The following ADORA2B variants were observed in gnomAD, a reference collection of about 807,000 sequenced individuals.
The protein encoded by ADORA2B is adenosine receptor A2b.
A neutral mutation model predicts 20.8 loss-of-function variants in ADORA2B; 18 were observed. That is an observed-to-expected ratio of 0.87 (90% CI 0.60 to 1.29). The LOEUF is 1.29. Among genes scored for constraint, ADORA2B ranks in the 50% most tolerant of loss-of-function variants. ADORA2B has a pLI of 0.00. For missense variants in ADORA2B, 441 were observed against 422.7 expected (o/e 1.04, Z -0.38); for synonymous variants, 179 against 178.3 (o/e 1.00, Z -0.03).
the ADORA2B span, among the ~76,000 whole-genome samples, chr17:15,938,229 GGAAA>G: frequency 1.3e-5 from 2 of 151,910 alleles, no homozygotes; most frequent in Admixed American, 6.6e-5. Context: ...AGGAAGGAAA[GGAAA>G]GGAAGGAAGG....
At chr17:15,863,509 C>CTTAT in the ADORA2B span, among the ~76,000 whole-genome samples, 2,224 of 151,854 alleles carry the variant, frequency 0.015, 54 homozygotes, top group African/African-American at 0.049. Context: ...CCATGCCCAG[C>CTTAT]TTATTTATTT....
chr17:15,948,245 G>A (rs7208072), intron 1 of ADORA2B, among the ~76,000 whole-genome samples: 931 of 63,452 alleles, frequency 0.015, 7 homozygotes, highest in Middle Eastern at 0.073. Flanking sequence ...TGTGACAGAT[G>A]ACAGTGTAGA....
chr17:15,937,281 C>T, the ADORA2B span, among the ~76,000 whole-genome samples: 1 of 152,206 alleles, frequency 6.6e-6, no homozygotes, highest in Non-Finnish European at 1.5e-5. Flanking sequence ...TTGTCACATG[C>T]AGCAGCTAAA....
At chr17:15,906,972 C>T in the ADORA2B span, among the ~76,000 whole-genome samples, 1 of 151,452 alleles carries the variant, frequency 6.6e-6, no homozygotes, top group Non-Finnish European at 1.5e-5. Context: ...TTTAAAGACA[C>T]CCTTTCCCAT....
At chr17:15,879,803 C>T in the ADORA2B span, among the ~76,000 whole-genome samples, 15 of 150,166 alleles carry the variant, frequency 1.0e-4, no homozygotes, top group Admixed American at 7.9e-4. Context: ...TCCCAAGGTG[C>T]TGGGTTTACA....
At chr17:15,918,722 G>A in the ADORA2B span, among the ~76,000 whole-genome samples, 6 of 152,100 alleles carry the variant, frequency 3.9e-5, no homozygotes, top group African/African-American at 1.2e-4. Context: ...TACCCGCCTC[G>A]GCCTCCCAAA....
the ADORA2B span, among the ~76,000 whole-genome samples, chr17:15,881,823 G>A: frequency 0.23 from 35,301 of 152,118 alleles, 4,377 homozygotes; most frequent in Non-Finnish European, 0.28. Context: ...TAGTTCAGGA[G>A]TTGTGGTTTT....
the ADORA2B span, among the ~76,000 whole-genome samples, chr17:15,909,074 C>A: frequency 6.6e-6 from 1 of 152,016 alleles, no homozygotes; most frequent in Admixed American, 6.5e-5. Flanking sequence ...CACCTATAGT[C>A]TCAGCACTTT....
chr17:15,917,953 G>T, the ADORA2B span, among the ~76,000 whole-genome samples: 1 of 152,230 alleles, frequency 6.6e-6, no homozygotes, highest in South Asian at 2.1e-4. Flanking sequence ...CCTGCACTGG[G>T]CCCGGGCTGT....
the ADORA2B span, among the ~76,000 whole-genome samples, chr17:15,910,487 C>T: frequency 2.0e-5 from 3 of 152,130 alleles, no homozygotes; most frequent in South Asian, 2.1e-4. Context: ...TTAGTAGAAA[C>T]GGGGTTTCAC....
At chr17:15,962,032 G>T (rs534294177) in intron 1 of ADORA2B, among the ~76,000 whole-genome samples, 1 of 152,312 alleles carries the variant, frequency 6.6e-6, no homozygotes, top group African/African-American at 2.4e-5. Flanking sequence ...GCCGGGTGCA[G>T]TGGCTCATGG....
At chr17:15,928,991 A>C in the ADORA2B span, among the ~76,000 whole-genome samples, 1 of 152,014 alleles carries the variant, frequency 6.6e-6, no homozygotes, top group African/African-American at 2.4e-5. Flanking sequence ...TAGGGAGAAG[A>C]GCTCTGTCAG....
chr17:15,912,966 C>T, the ADORA2B span, among the ~76,000 whole-genome samples: 2 of 152,230 alleles, frequency 1.3e-5, no homozygotes. Flanking sequence ...ATTCCTGCGC[C>T]TCTGTAGCCT....
chr17:15,913,345 T>G, the ADORA2B span, among the ~76,000 whole-genome samples: 1 of 152,084 alleles, frequency 6.6e-6, no homozygotes, highest in African/African-American at 2.4e-5. Flanking sequence ...CTCCCACTGA[T>G]GGTCATTCTG....
At chr17:15,861,698 G>A in the ADORA2B span, among the ~76,000 whole-genome samples, 1 of 152,166 alleles carries the variant, frequency 6.6e-6, no homozygotes, top group Non-Finnish European at 1.5e-5. Flanking sequence ...CCAACAGGGT[G>A]GTCCCTAAGA....
the ADORA2B span, among the ~76,000 whole-genome samples, chr17:15,857,137 A>T: frequency 6.6e-6 from 1 of 152,226 alleles, no homozygotes; most frequent in South Asian, 2.1e-4. Flanking sequence ...GAAGGGGCCA[A>T]TGTACAGCTT....
At chr17:15,966,767 G>A (rs2151606346) in intron 1 of ADORA2B, among the ~76,000 whole-genome samples, 1 of 152,372 alleles carries the variant, frequency 6.6e-6, no homozygotes, top group Admixed American at 6.5e-5. Context: ...GTGTGGGCCT[G>A]CAAAGGCTGG....
At chr17:15,904,528 C>T in the ADORA2B span, among the ~76,000 whole-genome samples, 2 of 151,698 alleles carry the variant, frequency 1.3e-5, no homozygotes, top group Non-Finnish European at 2.9e-5. Context: ...ACTGGGACTA[C>T]AGGCACCCGC....
chr17:15,908,916 T>G, the ADORA2B span, among the ~76,000 whole-genome samples: 1 of 151,966 alleles, frequency 6.6e-6, no homozygotes, highest in Admixed American at 6.6e-5. Context: ...CAGGCTTGTT[T>G]TGCTAATTAC....
Sources: allele counts gnomAD v4.1 joint callset (sites outside exome capture counted in the v4.1 genomes callset), GRCh38; gene constraint gnomAD v4.1.1; transcripts MANE v1.5; gene names NCBI Gene and HGNC (gene_info 2026-07-23, HGNC 2026-07-21).